The following SNRNP40 variants were observed in gnomAD, a reference collection of about 807,000 sequenced individuals.
The protein encoded by SNRNP40 is small nuclear ribonucleoprotein U5 subunit 40, also known as U5 small nuclear ribonucleoprotein 40 kDa protein.
In SNRNP40, 21 loss-of-function variants were observed where a neutral mutation model predicts 45.8. The ratio of observed to expected loss-of-function variants is 0.46; its 90% CI spans 0.32 to 0.66. SNRNP40 has a LOEUF of 0.66. Among genes scored for constraint, SNRNP40 ranks in the 30% least tolerant of loss-of-function variants. SNRNP40 has a pLI of 0.03. For synonymous variants in SNRNP40, 142 were observed against 163.8 expected (o/e 0.87, Z 1.01); for missense variants, 344 against 439.1 (o/e 0.78, Z 1.94).
chr1:31,270,317 C>T (rs1048883437), intron 6 of SNRNP40, among the ~76,000 whole-genome samples: 7 of 152,128 alleles, frequency 4.6e-5, no homozygotes, highest in Non-Finnish European at 7.4e-5. Context: ...TAGGAAACCT[C>T]ATTGTTCCTC....
intron 6 of SNRNP40, among the ~76,000 whole-genome samples, chr1:31,270,987 G>C (rs1481180958): frequency 6.6e-6 from 1 of 152,136 alleles, no homozygotes; most frequent in Admixed American, 6.6e-5. Flanking sequence ...AGACTGGCAG[G>C]AAAGAGCAGA....
At chr1:31,281,890 G>A in intron 4 of SNRNP40, 1 of 155,862 alleles carries the variant, frequency 6.4e-6, no homozygotes, top group Admixed American at 6.3e-5. Context: ...AAAAATAGAG[G>A]GTATGTCAGT....
intron 9 of SNRNP40, 69 bp from the exon 10 acceptor site, chr1:31,260,190 G>A (rs142558035): frequency 1.8e-6 from 2 of 1,096,086 alleles, no homozygotes; most frequent in Non-Finnish European, 2.6e-6. Flanking sequence ...AAGGGCTCTT[G>A]TGTCAAGAGC....
At chr1:31,263,509 C>T (rs1389188704) in intron 8 of SNRNP40, 1 of 360,724 alleles carries the variant, frequency 2.8e-6, no homozygotes, top group Admixed American at 3.8e-5. Context: ...TTTAGAGAGC[C>T]CCTGAAATCA....
At chr1:31,268,361 T>C (rs1645914364) in intron 7 of SNRNP40, among the ~76,000 whole-genome samples, 1 of 151,372 alleles carries the variant, frequency 6.6e-6, no homozygotes, top group Admixed American at 6.6e-5. Flanking sequence ...TAGCTCACTG[T>C]AGTTTTGACC....
chr1:31,291,883 A>G, intron 3 of SNRNP40, 30 bp downstream of exon 3: 1 of 1,421,522 alleles, frequency 7.0e-7, no homozygotes, highest in Non-Finnish European at 1.0e-6. Flanking sequence ...TAGTATGAGA[A>G]GCTGTCCTTC....
intron 2 of SNRNP40, among the ~76,000 whole-genome samples, chr1:31,292,356 C>T (rs1184883642): frequency 6.6e-6 from 1 of 151,934 alleles, no homozygotes; most frequent in African/African-American, 2.4e-5. Context: ...AGTGAGACTC[C>T]GTCTCTAAAA....
At chr1:31,271,323 G>A (rs1645936519) in intron 6 of SNRNP40, 56 bp downstream of exon 6, 1 of 1,562,958 alleles carries the variant, frequency 6.4e-7, no homozygotes, top group Non-Finnish European at 8.7e-7. Flanking sequence ...TGGAATCTGT[G>A]AGCAATCTTT....
chr1:31,266,583 C>T (rs1337954111), intron 8 of SNRNP40, among the ~76,000 whole-genome samples: 1 of 152,188 alleles, frequency 6.6e-6, no homozygotes, highest in Non-Finnish European at 1.5e-5. Flanking sequence ...TCTCATTCAG[C>T]ACATAATGCC....
intron 5 of SNRNP40, among the ~76,000 whole-genome samples, chr1:31,278,341 A>G (rs1292368889): frequency 6.6e-6 from 1 of 152,208 alleles, no homozygotes; most frequent in African/African-American, 2.4e-5. Context: ...AGGTTAGTCT[A>G]TCCTCACAGT....
chr1:31,272,354 T>C (rs1645944476), intron 5 of SNRNP40, among the ~76,000 whole-genome samples: 1 of 152,158 alleles, frequency 6.6e-6, no homozygotes, highest in Non-Finnish European at 1.5e-5. Flanking sequence ...CTATTGCTTG[T>C]ATAGGAAACG....
At chr1:31,268,317 C>G (rs1645914054) in intron 7 of SNRNP40, among the ~76,000 whole-genome samples, 1 of 149,284 alleles carries the variant, frequency 6.7e-6, no homozygotes, top group Admixed American at 6.7e-5. Flanking sequence ...GGGTCTCGCT[C>G]TCTTGTCCAA....
Position 31,267,928 on chromosome 1 carries a change from A to C in SNRNP40, c.863T>G (p.Leu288Arg). ...ATCAGGTGACCAAGAACATCTCAGA[A>C]GGTTCTATGATAAACAAGAATCCAC... The part of the protein sequence containing the change: ...QGNVHNFEKN[L>R]LRCSWSPDGS... Residue 288 changes from leucine (L) to arginine (R), a missense_variant, in exon 8 of 10, where the codon CTT becomes CGT. By Grantham distance (102) the Leu-to-Arg change is moderately radical (BLOSUM62 -2). This residue lies in a region of SNRNP40 where 254 missense variants were observed against 380.2 expected (regional missense o/e 0.67). Coordinates refer to ENST00000263694, the MANE Select transcript of SNRNP40 (RefSeq NM_004814.3). 1 of 1,611,574 alleles carries C rather than the reference A, an allele frequency of 6.2e-7. No individual in the cohort carries two copies. Among genetic ancestry groups the C allele is most frequent in the South Asian group, 1.1e-5 (1 of 91,022 alleles).
chr1:31,281,523 C>G, intron 4 of SNRNP40, 27 bp from the exon 5 acceptor site: 15 of 1,576,474 alleles, frequency 9.5e-6, no homozygotes, highest in Non-Finnish European at 1.3e-5. Context: ...GACAGTCTAT[C>G]AGCAACATCA....
chr1:31,265,418 T>C (rs944806500), intron 8 of SNRNP40, among the ~76,000 whole-genome samples: 7 of 151,950 alleles, frequency 4.6e-5, no homozygotes, highest in South Asian at 2.1e-4. Context: ...GTGTGCACCA[T>C]TGACCACATG....
intron 4 of SNRNP40, among the ~76,000 whole-genome samples, chr1:31,283,868 C>G (rs2148388214): frequency 6.6e-6 from 1 of 152,312 alleles, no homozygotes; most frequent in Middle Eastern, 3.4e-3. Flanking sequence ...CCCTGCCTAA[C>G]ATGATACACA....
intron 6 of SNRNP40, chr1:31,269,490 A>G (rs1259161493): frequency 3.5e-6 from 3 of 868,514 alleles, no homozygotes; most frequent in Non-Finnish European, 4.8e-6. Context: ...CAATGTTGGT[A>G]ATTTGCAACA....
intron 4 of SNRNP40, among the ~76,000 whole-genome samples, chr1:31,283,950 A>G (rs1049007376): frequency 6.6e-6 from 1 of 152,148 alleles, no homozygotes; most frequent in Non-Finnish European, 1.5e-5. Context: ...AGGGCCAGGT[A>G]TGGTGGCTCA....
At chr1:31,282,640 CTATG>C (rs1646027355) in intron 4 of SNRNP40, among the ~76,000 whole-genome samples, 2 of 151,476 alleles carry the variant, frequency 1.3e-5, no homozygotes, top group African/African-American at 4.9e-5. Flanking sequence ...ATCTATCTAT[CTATG>C]TATCTATGTG....
Sources: gnomAD v4.1 joint callset for allele counts (sites outside exome capture counted in the v4.1 genomes callset) on GRCh38, gnomAD v4.1.1 for gene constraint, gnomAD v4.1.1 regional missense constraint, MANE v1.5 for transcripts, NCBI Gene and HGNC (gene_info 2026-07-23, HGNC 2026-07-21) for gene names.